LIN28B: variants seen among roughly 807,000 people sequenced by gnomAD.
LIN28B encodes protein lin-28 homolog B.
LIN28B carries 5 observed loss-of-function variants against 21.9 expected under a neutral mutation model. That is an observed-to-expected ratio of 0.23 (90% CI 0.12 to 0.48). The LOEUF (loss-of-function observed/expected upper bound fraction) is 0.48. Among genes scored for constraint, LIN28B ranks in the 20% least tolerant of loss-of-function variants. The pLI is 0.98. For synonymous variants in LIN28B, 109 were observed against 111.3 expected, an observed-to-expected ratio of 0.98 and a Z score of 0.13; for missense variants, 245 against 310.5, an observed-to-expected ratio of 0.79 and a Z score of 1.58.
chr6:104,943,483 G>C (rs1778121462), intron 2 of LIN28B, among the ~76,000 whole-genome samples: 1 of 152,122 alleles, frequency 6.6e-6, no homozygotes, highest in Admixed American at 6.5e-5. Context: ...GCAAGTTCAG[G>C]TCAGGAAATG....
At position 105,064,616 on chromosome 6, in the gene LIN28B, G is replaced by A. The variant is rs545753499; in HGVS notation, c.384-13798G>A. The stretch of plus-strand genomic sequence containing the variant: ...AACTTTACATTCAGAGTGGTAAATA[G>A]CACTGCCATTTGTAGCTATTGTATT... On this transcript the variant is annotated intron_variant, in intron 3 of 3. Transcript: ENST00000345080. 3.0e-4 allele frequency among the ~76,000 whole-genome samples: 45 copies of A among 152,218 alleles called. 2 individuals carry two copies. In the South Asian group the frequency reaches 9.1e-3, roughly 31 times the overall value.
At chr6:105,052,840 T>A (rs938990709) in intron 3 of LIN28B, among the ~76,000 whole-genome samples, 24 of 152,124 alleles carry the variant, frequency 1.6e-4, no homozygotes, top group African/African-American at 5.1e-4. Context: ...CTAGCCAATT[T>A]TTGGCTTTGT....
chr6:105,009,913 A>C (rs1419924019), intron 2 of LIN28B, among the ~76,000 whole-genome samples: 2 of 152,140 alleles, frequency 1.3e-5, no homozygotes, highest in Non-Finnish European at 2.9e-5. Context: ...ATACTCATTT[A>C]TTCTGTTTCA....
intron 2 of LIN28B, among the ~76,000 whole-genome samples, chr6:105,014,828 C>T (rs1478436180): frequency 3.3e-5 from 5 of 151,790 alleles, no homozygotes; most frequent in African/African-American, 1.2e-4. Flanking sequence ...GTTTTAGCTG[C>T]ATCCCACAAA....
At chr6:105,015,529 T>C (rs181345469) in intron 2 of LIN28B, among the ~76,000 whole-genome samples, 1 of 152,316 alleles carries the variant, frequency 6.6e-6, no homozygotes, top group Admixed American at 6.5e-5. Flanking sequence ...ACACCTAATG[T>C]AACTGTTCAT....
At chr6:104,941,068 G>T (rs551340293) in intron 2 of LIN28B, 108 of 152,322 alleles carry the variant, frequency 7.1e-4, no homozygotes, top group African/African-American at 2.6e-3. Flanking sequence ...TGTGCGTGCG[G>T]GTGCGGACGC....
At chr6:104,987,752 C>G (rs923296413) in intron 2 of LIN28B, among the ~76,000 whole-genome samples, 2 of 152,014 alleles carry the variant, frequency 1.3e-5, no homozygotes, top group Non-Finnish European at 2.9e-5. Flanking sequence ...CAATACTCGT[C>G]TTTTTTCTTT....
chr6:104,970,584 C>T (rs186808908), intron 2 of LIN28B, among the ~76,000 whole-genome samples: 7 of 152,118 alleles, frequency 4.6e-5, no homozygotes, highest in African/African-American at 9.6e-5. Context: ...TAAAATAATA[C>T]GGACCTTTTA....
upstream of LIN28B, among the ~76,000 whole-genome samples, chr6:104,953,733 G>T (rs1004481838): frequency 6.6e-6 from 1 of 152,196 alleles, no homozygotes; most frequent in African/African-American, 2.4e-5. Flanking sequence ...GGCCGCCTGG[G>T]GAGCGACCTG....
At chr6:104,963,035 T>TTAA (rs1430566604) in intron 2 of LIN28B, among the ~76,000 whole-genome samples, 1 of 152,104 alleles carries the variant, frequency 6.6e-6, no homozygotes, top group East Asian at 1.9e-4. Flanking sequence ...AACATCACAT[T>TTAA]TAAAGGCATT....
chr6:105,005,478 G>C (rs574779588), intron 2 of LIN28B, among the ~76,000 whole-genome samples: 1 of 151,952 alleles, frequency 6.6e-6, no homozygotes, highest in African/African-American at 2.4e-5. Flanking sequence ...TCTTTGATAT[G>C]GTTTCAATTT....
intron 2 of LIN28B, among the ~76,000 whole-genome samples, chr6:104,986,136 C>T (rs1447182461): frequency 2.6e-5 from 4 of 152,040 alleles, no homozygotes; most frequent in African/African-American, 7.2e-5. Context: ...GTAGCACTTC[C>T]CCCTTTGCTC....
chr6:105,037,399 A>G (rs1771540879), intron 3 of LIN28B, among the ~76,000 whole-genome samples: 2 of 152,140 alleles, frequency 1.3e-5, no homozygotes, highest in South Asian at 4.1e-4. Context: ...TCACATTGGC[A>G]TTTTAATTTT....
At chr6:105,048,805 G>A (rs1771828003) in intron 3 of LIN28B, among the ~76,000 whole-genome samples, 1 of 152,202 alleles carries the variant, frequency 6.6e-6, no homozygotes, top group Non-Finnish European at 1.5e-5. Flanking sequence ...TATTTGCAAA[G>A]AGGTGTTTAT....
At chr6:104,947,768 TA>T (rs2114548839) in intron 2 of LIN28B, among the ~76,000 whole-genome samples, 1 of 148,158 alleles carries the variant, frequency 6.7e-6, no homozygotes, top group South Asian at 2.1e-4. Context: ...ACATTTTGCG[TA>T]CTTTTTTTTT....
chr6:104,998,689 G>A (rs980766478), intron 2 of LIN28B, among the ~76,000 whole-genome samples: 1 of 151,980 alleles, frequency 6.6e-6, no homozygotes, highest in Non-Finnish European at 1.5e-5. Flanking sequence ...TAAAAGTAAT[G>A]ATGGCCATTT....
At chr6:105,035,686 A>G (rs1295307374) in intron 3 of LIN28B, among the ~76,000 whole-genome samples, 1 of 152,202 alleles carries the variant, frequency 6.6e-6, no homozygotes, top group Non-Finnish European at 1.5e-5. Flanking sequence ...TACTATTTAT[A>G]TAATAATAAA....
At chr6:104,960,297 A>G (rs1769704437) in intron 2 of LIN28B, among the ~76,000 whole-genome samples, 1 of 152,182 alleles carries the variant, frequency 6.6e-6, no homozygotes, top group Admixed American at 6.5e-5. Context: ...TAGCTAAGCA[A>G]CTACAAGTAA....
At chr6:104,947,324 A>G (rs535493957) in intron 2 of LIN28B, among the ~76,000 whole-genome samples, 4 of 152,260 alleles carry the variant, frequency 2.6e-5, no homozygotes, top group African/African-American at 7.2e-5. Context: ...GGGCTTCACC[A>G]TGTTGGCCAG....
Sources: allele counts gnomAD v4.1 joint callset (sites outside exome capture counted in the v4.1 genomes callset), GRCh38; gene constraint gnomAD v4.1.1; transcripts MANE v1.5; gene names NCBI Gene and HGNC (gene_info 2026-07-23, HGNC 2026-07-21).